CAB39L: variants seen among roughly 807,000 people sequenced by gnomAD.
The protein encoded by CAB39L is calcium binding protein 39 like.
In CAB39L, 23 loss-of-function variants were observed where a neutral mutation model predicts 39.1. The observed-to-expected ratio is 0.59, with a 90% CI of 0.42 to 0.83. The LOEUF (loss-of-function observed/expected upper bound fraction) is 0.83. Ranked by LOEUF, CAB39L falls within the 40% of genes least tolerant of loss-of-function variation. The pLI is 0.00. For synonymous variants in CAB39L, 126 were observed against 137.2 expected, an observed-to-expected ratio of 0.92 and a Z score of 0.57; for missense variants, 366 against 391.9, an observed-to-expected ratio of 0.93 and a Z score of 0.56.
intron 5 of CAB39L, among the ~76,000 whole-genome samples, chr13:49,371,189 CT>C (rs386379129): frequency 7.8e-4 from 80 of 102,204 alleles, no homozygotes; most frequent in East Asian, 1.5e-3. Flanking sequence ...CTTTTTCTTT[CT>C]TTTTTTTTTT....
rs559000988 is a variant in CAB39L, at chr13:49,424,173, G to C, written c.-32+9145C>G. 2.6e-5 allele frequency among the ~76,000 whole-genome samples: 4 copies of C among 152,316 alleles called. No individual in the cohort carries two copies. In the East Asian group the frequency reaches 7.7e-4, roughly 29 times the overall value. On this transcript the variant is annotated intron_variant, in intron 3 of 10. Coordinates refer to ENST00000409308, the MANE Select transcript of CAB39L (RefSeq NM_001079670.3). ...CTTTCCAGAGAGCAGCATGAAAAGA[G>C]GGGTAATGGAAACCTGACTGTGGAG...
At chr13:49,440,454 CTA>C (rs1957491326) in intron 1 of CAB39L, among the ~76,000 whole-genome samples, 1 of 151,964 alleles carries the variant, frequency 6.6e-6, no homozygotes, top group Non-Finnish European at 1.5e-5. Context: ...CTCCATTGGC[CTA>C]TATGTCTGTT....
intron 3 of CAB39L, among the ~76,000 whole-genome samples, chr13:49,430,029 A>G (rs1057021065): frequency 9.2e-5 from 14 of 152,190 alleles, no homozygotes; most frequent in African/African-American, 3.1e-4. Context: ...ATTCTATAAA[A>G]TGCTCTTCAG....
intron 3 of CAB39L, among the ~76,000 whole-genome samples, chr13:49,430,753 G>A (rs1400637692): frequency 1.3e-5 from 2 of 152,216 alleles, no homozygotes; most frequent in African/African-American, 4.8e-5. Context: ...ATCTGGAGGT[G>A]AGACTGGTAT....
At chr13:49,313,459 C>T (rs928635386) in intron 10 of CAB39L, among the ~76,000 whole-genome samples, 4 of 146,678 alleles carry the variant, frequency 2.7e-5, no homozygotes, top group Non-Finnish European at 4.5e-5. Context: ...CTAGCCTGGG[C>T]AACAGAGTGA....
intron 4 of CAB39L, among the ~76,000 whole-genome samples, chr13:49,378,554 C>T (rs1482806314): frequency 1.3e-4 from 9 of 68,986 alleles, no homozygotes; most frequent in Non-Finnish European, 2.7e-4. Flanking sequence ...TCAGCCCCCC[C>T]ACCCGGCCAG....
rs73186844 is a variant in CAB39L at position 49,310,236 on chromosome 13, G to A, written c.*578C>T. The A allele has an allele frequency of 8.8e-3, 1,345 of 152,840 alleles. 6 individuals are homozygous for A. Among genetic ancestry groups the A allele is most frequent in the Non-Finnish European group, 0.014 (988 of 68,442 alleles). The allele number at this position is 152,840 out of a possible 1,614,324, so 9.5% of individuals were successfully genotyped here. ...GAGGCCATGCTGAGGAGCTGGGATG[G>A]AATGCAGGACAGGGAGAGAGGGGAG... On this transcript the variant is annotated 3_prime_UTR_variant, in exon 11 of 11. Transcript: ENST00000409308.
chr13:49,385,669 G>A (rs1047675746), intron 3 of CAB39L, among the ~76,000 whole-genome samples: 7 of 152,126 alleles, frequency 4.6e-5, no homozygotes, highest in Non-Finnish European at 1.0e-4. Context: ...ATAGGGTTAT[G>A]AGCCAGCCTA....
intron 7 of CAB39L, among the ~76,000 whole-genome samples, chr13:49,349,285 T>C (rs1180201134): frequency 6.6e-6 from 1 of 152,028 alleles, no homozygotes; most frequent in Non-Finnish European, 1.5e-5. Flanking sequence ...TTGAAATACA[T>C]ATTTAAGGTA....
intron 6 of CAB39L, among the ~76,000 whole-genome samples, chr13:49,355,533 C>T (rs1955460819): frequency 6.6e-6 from 1 of 152,090 alleles, no homozygotes; most frequent in Non-Finnish European, 1.5e-5. Flanking sequence ...GTAGAAATTT[C>T]AGGTCTTTGT....
At chr13:49,406,391 A>G (rs1294769830) in intron 3 of CAB39L, among the ~76,000 whole-genome samples, 1 of 140,408 alleles carries the variant, frequency 7.1e-6, no homozygotes, top group Non-Finnish European at 1.5e-5. Flanking sequence ...CATGTTAGCC[A>G]GGATGGTCTC....
rs61633162 is a variant in CAB39L at position 49,319,830 on chromosome 13, T to TAA, written c.835-8839_835-8838dup. Among the ~76,000 whole-genome samples the TAA allele has an allele frequency of 8.5e-3, 1,071 of 126,248 alleles. 13 individuals carry two copies. Among genetic ancestry groups the TAA allele is most frequent in the African/African-American group, 0.029 (1,013 of 34,404 alleles). 82.8% of individuals were successfully genotyped at this position (126,248 alleles called of 152,430 possible). A position where few individuals can be genotyped will look rare whatever the true frequency, so the allele number is the denominator to read the frequency against. ...ATAACTCATGACAGTCTTTCTTTCT[T>TAA]AAAAAAAAAAAAAAAAAGATTAACT... On this transcript the variant is annotated intron_variant, in intron 10 of 10. Transcript: ENST00000409308.
chr13:49,408,287 A>G (rs183744786), intron 3 of CAB39L, among the ~76,000 whole-genome samples: 141 of 152,348 alleles, frequency 9.3e-4, no homozygotes, highest in Admixed American at 2.0e-3. Flanking sequence ...CCTTTAAAAC[A>G]TATAGGAACC....
intron 1 of CAB39L, among the ~76,000 whole-genome samples, chr13:49,443,195 G>A (rs945601300): frequency 1.8e-4 from 27 of 151,686 alleles, no homozygotes; most frequent in Non-Finnish European, 3.5e-4. Context: ...GCCTCCTCCT[G>A]CTCCATGAAG....
At chr13:49,372,638 C>A (rs934086069) in intron 5 of CAB39L, among the ~76,000 whole-genome samples, 1 of 152,118 alleles carries the variant, frequency 6.6e-6, no homozygotes, top group African/African-American at 2.4e-5. Flanking sequence ...AAAACCACCC[C>A]TTCTTCACTC....
At chr13:49,385,904 A>G in intron 3 of CAB39L, among the ~76,000 whole-genome samples, 1 of 151,708 alleles carries the variant, frequency 6.6e-6, no homozygotes, top group East Asian at 1.9e-4. Context: ...GTGAGAATTA[A>G]CAAAATGTAT....
chr13:49,328,760 G>A (rs1954578214), intron 10 of CAB39L, among the ~76,000 whole-genome samples: 1 of 152,132 alleles, frequency 6.6e-6, no homozygotes, highest in Non-Finnish European at 1.5e-5. Context: ...GCTTGAGGCC[G>A]AGAGGTCAGG....
At position 49,309,705 on chromosome 13, in the gene CAB39L, C is replaced by G. The variant is rs1421526207; in HGVS notation, c.*1109G>C. The G allele has an allele frequency of 6.6e-6, 1 of 152,178 alleles. No homozygotes were observed. Among genetic ancestry groups the G allele is most frequent in the African/African-American group, 2.4e-5 (1 of 41,442 alleles). 9.4% of individuals were successfully genotyped at this position (152,178 alleles called of 1,614,324 possible). ...CACAAGAGACTATTCAGGACCAAAA[C>G]TGTATAGGCTTTCTATGTGTTCACT... is the stretch of plus-strand genomic sequence containing the variant. On this transcript the variant is annotated 3_prime_UTR_variant, in exon 11 of 11. Transcript: ENST00000409308.
chr13:49,329,957 T>C (rs972075900), intron 10 of CAB39L, among the ~76,000 whole-genome samples: 2 of 152,154 alleles, frequency 1.3e-5, no homozygotes, highest in Non-Finnish European at 2.9e-5. Flanking sequence ...TGGTATCTAA[T>C]TATCTGCCTA....
Sources: allele counts gnomAD v4.1 joint callset (sites outside exome capture counted in the v4.1 genomes callset), GRCh38; gene constraint gnomAD v4.1.1; transcripts MANE v1.5; gene names NCBI Gene and HGNC (gene_info 2026-07-23, HGNC 2026-07-21).